The following C8orf34 variants were observed in gnomAD, a reference collection of about 807,000 sequenced individuals.
C8orf34 encodes uncharacterized protein C8orf34.
In C8orf34, 65 loss-of-function variants were observed where a neutral mutation model predicts 68.3. The ratio of observed to expected loss-of-function variants is 0.95; its 90% CI spans 0.78 to 1.17. The LOEUF is 1.17. C8orf34 is among the 50% of genes most tolerant of loss of function. The pLI is 0.00. For missense variants in C8orf34, 664 were observed against 655.4 expected (o/e 1.01, Z -0.14); for synonymous variants, 244 against 241.2 (o/e 1.01, Z -0.11).
At chr8:68,589,085 G>A (rs1817291173) in intron 7 of C8orf34, among the ~76,000 whole-genome samples, 1 of 152,166 alleles carries the variant, frequency 6.6e-6, no homozygotes, top group Non-Finnish European at 1.5e-5. Context: ...GCTATGAACA[G>A]CAAACGGCCA....
intron 1 of C8orf34, among the ~76,000 whole-genome samples, chr8:68,435,971 G>A (rs556430379): frequency 6.6e-6 from 1 of 152,296 alleles, no homozygotes; most frequent in Admixed American, 6.5e-5. Flanking sequence ...ACTTTGGTAG[G>A]CCAAGGCAGG....
At chr8:68,454,428 G>A (rs1811466285) in intron 3 of C8orf34, among the ~76,000 whole-genome samples, 1 of 151,896 alleles carries the variant, frequency 6.6e-6, no homozygotes, top group African/African-American at 2.4e-5. Flanking sequence ...CTTTATTACC[G>A]AGTCAAAATC....
chr8:68,444,252 T>C (rs911221568), intron 2 of C8orf34, among the ~76,000 whole-genome samples: 1 of 152,108 alleles, frequency 6.6e-6, no homozygotes, highest in African/African-American at 2.4e-5. Flanking sequence ...CTTCTTTTTA[T>C]TATTTCTGTA....
intron 7 of C8orf34, among the ~76,000 whole-genome samples, chr8:68,559,505 TTAAAA>T (rs1816355861): frequency 6.6e-6 from 1 of 152,044 alleles, no homozygotes; most frequent in African/African-American, 2.4e-5. Flanking sequence ...AAAGAGAACT[TTAAAA>T]TAAGATCAGA....
rs192978035 is a variant in C8orf34, at chr8:68,687,726, C to T, written c.1242-21268C>T. Among the ~76,000 whole-genome samples, 89 of 152,050 alleles carry T rather than the reference C, an allele frequency of 5.9e-4. 2 individuals are homozygous for T. In the East Asian group the frequency reaches 0.016, roughly 28 times the overall value. ...AGGCAAAGAATTCATGACTAAGACC[C>T]TAAAAGCAAATGCAAAGAAAACAAA... On this transcript the variant is annotated intron_variant, in intron 8 of 13. Coordinates refer to ENST00000518698, the MANE Select transcript of C8orf34 (RefSeq NM_052958.4).
chr8:68,527,388 C>A (rs910541835), intron 6 of C8orf34, among the ~76,000 whole-genome samples: 6 of 151,994 alleles, frequency 3.9e-5, no homozygotes, highest in Non-Finnish European at 7.4e-5. Flanking sequence ...CTGGCTAACA[C>A]GGTGAAACCC....
At chr8:68,419,362 A>C (rs761482283) in intron 1 of C8orf34, among the ~76,000 whole-genome samples, 6 of 148,166 alleles carry the variant, frequency 4.0e-5, no homozygotes, top group African/African-American at 1.6e-4. Flanking sequence ...AAATAGGAAC[A>C]CTTTTACACT....
At chr8:68,369,984 G>C (rs1205520997) in intron 1 of C8orf34, among the ~76,000 whole-genome samples, 1 of 152,144 alleles carries the variant, frequency 6.6e-6, no homozygotes, top group Non-Finnish European at 1.5e-5. Flanking sequence ...TTGTGATATA[G>C]AATGCCTCCA....
chr8:68,362,526 G>C (rs1036971666), intron 1 of C8orf34, among the ~76,000 whole-genome samples: 21 of 152,268 alleles, frequency 1.4e-4, no homozygotes, highest in African/African-American at 3.4e-4. Flanking sequence ...AGAGAGCAGT[G>C]GTTCTCCCAG....
intron 3 of C8orf34, among the ~76,000 whole-genome samples, chr8:68,459,876 G>T (rs991418093): frequency 6.6e-5 from 10 of 152,326 alleles, no homozygotes; most frequent in African/African-American, 2.2e-4. Flanking sequence ...GAAGACAGGT[G>T]ATTTCTGCAT....
chr8:68,734,726 G>A (rs532140775), intron 10 of C8orf34, among the ~76,000 whole-genome samples: 1 of 152,212 alleles, frequency 6.6e-6, no homozygotes, highest in African/African-American at 2.4e-5. Flanking sequence ...CTGGGTTAAG[G>A]CGGTCACACT....
intron 10 of C8orf34, among the ~76,000 whole-genome samples, chr8:68,754,719 T>C (rs754366861): frequency 5.9e-5 from 9 of 152,228 alleles, no homozygotes; most frequent in Non-Finnish European, 8.8e-5. Flanking sequence ...AATTCTACTT[T>C]ATAAAACTTT....
intron 8 of C8orf34, among the ~76,000 whole-genome samples, chr8:68,671,023 T>C (rs16934892): frequency 6.6e-6 from 1 of 152,114 alleles, no homozygotes; most frequent in Admixed American, 6.6e-5. Flanking sequence ...AATGTGAATA[T>C]TATGCACTCA....
intron 6 of C8orf34, among the ~76,000 whole-genome samples, chr8:68,523,972 T>C (rs1442612246): frequency 1.3e-5 from 2 of 152,220 alleles, no homozygotes; most frequent in Non-Finnish European, 2.9e-5. Context: ...TTGTTGTCGT[T>C]TGACATCTGT....
rs375383841 is a variant in C8orf34, at chr8:68,788,853, G to A, written c.1549+1317G>A. On this transcript the variant is annotated intron_variant, in intron 12 of 13. Coordinates refer to ENST00000518698, the MANE Select transcript of C8orf34 (RefSeq NM_052958.4). ...CCGCCTGGCGACAGAGCGAGACTCCGTCTAAAAAAAAAAAAGATAACAACT... is the reference window on the plus strand; with the variant it reads ...CCGCCTGGCGACAGAGCGAGACTCCATCTAAAAAAAAAAAAGATAACAACT... 1.2e-4 allele frequency among the ~76,000 whole-genome samples: 18 copies of A among 151,072 alleles called. 1 individual carries two copies. Among genetic ancestry groups the A allele is most frequent in the East Asian group, 5.8e-4 (3 of 5,142 alleles).
intron 3 of C8orf34, among the ~76,000 whole-genome samples, chr8:68,464,639 A>G (rs1360095862): frequency 1.3e-5 from 2 of 152,090 alleles, no homozygotes; most frequent in African/African-American, 4.8e-5. Context: ...CCTCAGAAAT[A>G]ACACTGCATA....
chr8:68,756,626 T>A (rs1279299715), intron 10 of C8orf34, among the ~76,000 whole-genome samples: 1 of 152,172 alleles, frequency 6.6e-6, no homozygotes, highest in African/African-American at 2.4e-5. Flanking sequence ...CTGAGTTTGT[T>A]TAGTTTTGCT....
intron 1 of C8orf34, among the ~76,000 whole-genome samples, chr8:68,372,083 G>C (rs1198547361): frequency 1.3e-5 from 2 of 152,194 alleles, no homozygotes; most frequent in African/African-American, 4.8e-5. Flanking sequence ...CACTGGCAAA[G>C]AGTTTCACAT....
At chr8:68,473,261 A>C (rs1812458331) in intron 4 of C8orf34, among the ~76,000 whole-genome samples, 1 of 152,140 alleles carries the variant, frequency 6.6e-6, no homozygotes, top group African/African-American at 2.4e-5. Context: ...TGCCGAGTGC[A>C]TCAGATTTTA....
Sources: allele counts gnomAD v4.1 joint callset (sites outside exome capture counted in the v4.1 genomes callset), GRCh38; gene constraint gnomAD v4.1.1; transcripts MANE v1.5; gene names NCBI Gene and HGNC (gene_info 2026-07-23, HGNC 2026-07-21).